The following GALNT5 variants were observed in gnomAD, a reference collection of about 807,000 sequenced individuals.
GALNT5 encodes polypeptide N-acetylgalactosaminyltransferase 5, also known as UDP-GalNAc:polypeptide N-acetylgalactosaminyltransferase 5.
A neutral mutation model predicts 85.4 loss-of-function variants in GALNT5; 72 were observed. That is an observed-to-expected ratio of 0.84 (90% CI 0.70 to 1.03). The LOEUF (loss-of-function observed/expected upper bound fraction) is 1.03. Among genes scored for constraint, GALNT5 ranks in the 50% least tolerant of loss-of-function variants. GALNT5 has a pLI of 0.00. For missense variants in GALNT5, 1,137 were observed against 1,135.5 expected, an observed-to-expected ratio of 1.00 and a Z score of -0.02; for synonymous variants, 404 against 397.0, an observed-to-expected ratio of 1.02 and a Z score of -0.21.
At chr2:157,273,738 G>T (rs556060869) in intron 1 of GALNT5, among the ~76,000 whole-genome samples, 4 of 147,818 alleles carry the variant, frequency 2.7e-5, no homozygotes, top group East Asian at 2.0e-4. Context: ...CGCCTCTGGG[G>T]TTCAAGCAAT....
At chr2:157,302,473 A>G (rs975860070) in intron 7 of GALNT5, 3 of 152,198 alleles carry the variant, frequency 2.0e-5, no homozygotes, top group African/African-American at 7.2e-5. Flanking sequence ...TAAGTGGCTC[A>G]ACCTGGTAAC....
In GALNT5 at chr2:157,312,569, A is replaced by G. The variant is rs1381876623; in HGVS notation, c.*1221A>G. ...TGATTTCATCCAAATAAAGCCTCTAATCTTAAGCATACCAATACTTTGGCA... is the reference window on the plus strand; with the variant it reads ...TGATTTCATCCAAATAAAGCCTCTAGTCTTAAGCATACCAATACTTTGGCA... On this transcript the variant is annotated 3_prime_UTR_variant, in exon 10 of 10. Transcript: ENST00000259056. 1.3e-5 allele frequency: 2 copies of G among 152,182 alleles called. No homozygotes were observed. The highest frequency in any genetic ancestry group is 3.8e-4 in the East Asian group (2 of 5,202). The allele number at this position is 152,182 out of a possible 1,614,324, so 9.4% of individuals were successfully genotyped here. A position where few individuals can be genotyped will look rare whatever the true frequency, so the allele number is the denominator to read the frequency against.
chr2:157,286,151 T>C lies in GALNT5; in HGVS notation c.1741+17T>C, dbSNP rs1682966046. Reference sequence around the variant, plus strand: ...ATGCAACAGGTAAGAAGTTACTCATTTTTTTGTTTGTTACATTTTTATTTT... The same window carrying C: ...ATGCAACAGGTAAGAAGTTACTCATCTTTTTGTTTGTTACATTTTTATTTT... On this transcript the variant is annotated intron_variant, in intron 3 of 9. Transcript: ENST00000259056. The C allele has an allele frequency of 4.4e-6, 7 of 1,599,588 alleles. No individual in the cohort carries two copies. The South Asian group carries it at 7.9e-5, about 18-fold the overall frequency.
intron 1 of GALNT5, among the ~76,000 whole-genome samples, chr2:157,265,802 C>T (rs1216000453): frequency 3.3e-5 from 5 of 152,152 alleles, no homozygotes; most frequent in Admixed American, 2.6e-4. Flanking sequence ...TTGCTGTTTG[C>T]TTTCGAAATG....
At chr2:157,272,037 G>C (rs543695498) in intron 1 of GALNT5, among the ~76,000 whole-genome samples, 2 of 151,998 alleles carry the variant, frequency 1.3e-5, no homozygotes, top group Non-Finnish European at 2.9e-5. Context: ...GTGTCTCATG[G>C]GACAAAAAAT....
rs781468074 is a variant in GALNT5 at position 157,300,965 on chromosome 2, A to G, written c.2405A>G (p.Asp802Gly). ...FKWYLENVFP[D>G]LRAPIVRASG... ...TGGTACTTGGAGAATGTCTTTCCTG[A>G]CTTAAGGGCTCCCATTGTGAGAGCT... Residue 802 changes from aspartate to glycine, a missense_variant, in exon 7 of 10, where the codon GAC (aspartate) becomes GGC (glycine). Coordinates refer to ENST00000259056, the MANE Select transcript of GALNT5 (RefSeq NM_014568.3). 4 of 1,613,990 alleles carry G rather than the reference A, an allele frequency of 2.5e-6. No homozygotes were observed. The highest frequency in any genetic ancestry group is 3.4e-6 in the Non-Finnish European group (4 of 1,179,908).
rs776663814 is a variant in GALNT5 at position 157,295,777 on chromosome 2, T to A, written c.1856T>A (p.Val619Asp). The A allele has an allele frequency of 1.9e-6, 3 of 1,606,888 alleles. No homozygotes were observed. The Admixed American group carries it at 5.0e-5, about 27-fold the overall frequency. Residue 619 changes from valine to aspartate, a missense_variant, in exon 4 of 10, where the codon GTC (valine) becomes GAC (aspartate). Transcript: ENST00000259056. ...AAAGTGGCCTGTCCAGTAATCGAAG[T>A]CATCAATGATAAGGATATGAGGTAA... Reference protein sequence around the residue: ...RKKVACPVIEVINDKDMSYMT... With the variant: ...RKKVACPVIEDINDKDMSYMT...
In GALNT5 at chr2:157,316,825, C is replaced by G. The variant is rs1227446437; in HGVS notation, c.*5477C>G. On this transcript the variant is annotated 3_prime_UTR_variant, in exon 10 of 10. Transcript: ENST00000259056. ...TTCAACCTAATGGAACAATAGTTAT[C>G]ATTTCAATTAGAGTCGCTTTGCAAG... Among the ~76,000 whole-genome samples, 4 of 152,080 alleles carry G rather than the reference C, an allele frequency of 2.6e-5. No individual in the cohort carries two copies. The highest frequency in any genetic ancestry group is 9.7e-5 in the African/African-American group (4 of 41,426).
rs1456304212 is a variant in GALNT5, at chr2:157,305,769, TA to T, written c.2463del (p.Lys821AsnfsTer29). 1 of 1,604,932 alleles carries T rather than the reference TA, an allele frequency of 6.2e-7. No homozygotes were observed. Among genetic ancestry groups the T allele is most frequent in the East Asian group, 2.2e-5 (1 of 44,804 alleles). ...SGVLINVALGKCISIENTTVI... is the reference protein window; with the variant it reads ...SGVLINVALGXCISIENTTVI... ...TTTAGCTTATTAATGTGGCTTTGGG[TA>T]AATGCATTTCCATTGAAAACACTAC... On this transcript the variant is annotated frameshift_variant, in exon 8 of 10. Transcript: ENST00000259056. LOFTEE classifies it high-confidence loss of function.
Position 157,312,789 on chromosome 2 carries a change from C to T in GALNT5, c.*1441C>T, listed in dbSNP as rs1683603514. 1 of 152,166 alleles carries T rather than the reference C, an allele frequency of 6.6e-6. No homozygotes were observed. Among genetic ancestry groups the T allele is most frequent in the Admixed American group, 6.6e-5 (1 of 15,264 alleles). 9.4% of individuals were successfully genotyped at this position (152,166 alleles called of 1,614,324 possible). A position where few individuals can be genotyped will look rare whatever the true frequency, so the allele number is the denominator to read the frequency against. ...CACTGGCCCGAACAAATCTGCTTCA[C>T]AGAATTCCTTAGAAAGAGATACACA... On this transcript the variant is annotated 3_prime_UTR_variant, in exon 10 of 10. Coordinates refer to ENST00000259056, the MANE Select transcript of GALNT5 (RefSeq NM_014568.3).
chr2:157,273,746 A>G lies in GALNT5; in HGVS notation c.1455-10536A>G, dbSNP rs574401858. 1.0e-4 allele frequency among the ~76,000 whole-genome samples: 15 copies of G among 146,762 alleles called. No homozygotes were observed. The South Asian group carries it at 2.1e-3, about 21-fold the overall frequency. On this transcript the variant is annotated intron_variant, in intron 1 of 9. Transcript: ENST00000259056. ...CAACCTCCGCCTCTGGGGTTCAAGC[A>G]ATTCTCCTACCTCAGCCTTCCAGGT...
At chr2:157,277,921 G>A (rs1438439193) in intron 1 of GALNT5, among the ~76,000 whole-genome samples, 1 of 152,100 alleles carries the variant, frequency 6.6e-6, no homozygotes, top group African/African-American at 2.4e-5. Flanking sequence ...TAGCATCGAT[G>A]GTCTTTACAA....
At chr2:157,261,429 G>C (rs1682337522) in intron 1 of GALNT5, among the ~76,000 whole-genome samples, 1 of 152,194 alleles carries the variant, frequency 6.6e-6, no homozygotes, top group African/African-American at 2.4e-5. Context: ...TTACAGTCAG[G>C]CTCTGTCTTC....
chr2:157,300,453 AAGTT>A (rs1437464582), intron 6 of GALNT5, among the ~76,000 whole-genome samples: 1 of 152,224 alleles, frequency 6.6e-6, no homozygotes, highest in Non-Finnish European at 1.5e-5. Context: ...CTTACATTGA[AAGTT>A]AGGAAAGAAA....
At chr2:157,296,910 T>G (rs1260601755) in intron 5 of GALNT5, among the ~76,000 whole-genome samples, 1 of 152,238 alleles carries the variant, frequency 6.6e-6, no homozygotes, top group Non-Finnish European at 1.5e-5. Flanking sequence ...GGTTAGGATT[T>G]TCTTTTACAG....
Position 157,317,174 on chromosome 2 carries a change from GTATA to G in GALNT5, c.*5848_*5851del, listed in dbSNP as rs68129611. ...TTTTGTAAATATACTGTATGTGTGT[GTATA>G]TATATATATATATATATATATTTTT... is the stretch of plus-strand genomic sequence containing the variant. On this transcript the variant is annotated 3_prime_UTR_variant, in exon 10 of 10. Transcript: ENST00000259056. Among the ~76,000 whole-genome samples, 26 of 139,314 alleles carry G rather than the reference GTATA, an allele frequency of 1.9e-4. No individual in the cohort carries two copies. The highest frequency in any genetic ancestry group is 4.1e-4 in the East Asian group (2 of 4,856). 91.4% of individuals were successfully genotyped at this position (139,314 alleles called of 152,430 possible).
In GALNT5 at chr2:157,316,850, G is replaced by GCAAAGCGAATC. The variant is rs1258296808; in HGVS notation, c.*5502_*5503insCAAAGCGAATC. 2.6e-5 allele frequency among the ~76,000 whole-genome samples: 4 copies of GCAAAGCGAATC among 152,046 alleles called. No individual in the cohort carries two copies. The highest frequency in any genetic ancestry group is 6.6e-5 in the Admixed American group (1 of 15,260). On this transcript the variant is annotated 3_prime_UTR_variant, in exon 10 of 10. Coordinates refer to ENST00000259056, the MANE Select transcript of GALNT5 (RefSeq NM_014568.3). ...CATTTCAATTAGAGTCGCTTTGCAAGTTTATGTGAATCTTTGCTTTGTAAA... is the reference window on the plus strand; with the variant it reads ...CATTTCAATTAGAGTCGCTTTGCAAGCAAAGCGAATCTTTATGTGAATCTTTGCTTTGTAAA...
At chr2:157,274,589 G>C (rs1043145038) in intron 1 of GALNT5, among the ~76,000 whole-genome samples, 6 of 152,202 alleles carry the variant, frequency 3.9e-5, no homozygotes, top group African/African-American at 1.4e-4. Flanking sequence ...GTGATGATGA[G>C]TATTTCTTCA....
chr2:157,271,256 T>C (rs1222963649), intron 1 of GALNT5, among the ~76,000 whole-genome samples: 3 of 151,952 alleles, frequency 2.0e-5, no homozygotes, highest in Admixed American at 2.0e-4. Context: ...AAAGCTGGAG[T>C]GTTCTTCAGG....
Sources: gnomAD v4.1 joint callset for allele counts (sites outside exome capture counted in the v4.1 genomes callset) on GRCh38, gnomAD v4.1.1 for gene constraint, MANE v1.5 for transcripts, NCBI Gene and HGNC (gene_info 2026-07-23, HGNC 2026-07-21) for gene names.